The following DLC1 variants were observed in gnomAD, a reference collection of about 807,000 sequenced individuals.
DLC1 encodes DLC1 Rho GTPase activating protein.
In DLC1, 54 loss-of-function variants were observed where a neutral mutation model predicts 140.3. The ratio of observed to expected loss-of-function variants is 0.38; its 90% CI spans 0.31 to 0.48. The LOEUF is 0.48. Among genes scored for constraint, DLC1 ranks in the 20% least tolerant of loss-of-function variants. The pLI is 0.96. For synonymous variants in DLC1, 986 were observed against 728.1 expected (o/e 1.35, Z -5.70); for missense variants, 2,536 against 1,907.0 (o/e 1.33, Z -6.14).
intron 2 of DLC1, among the ~76,000 whole-genome samples, chr8:13,474,574 C>T (rs1332955998): frequency 6.6e-6 from 1 of 152,178 alleles, no homozygotes; most frequent in South Asian, 2.1e-4. Context: ...AAGCTGCACT[C>T]AACACCAGCC....
intron 5 of DLC1, among the ~76,000 whole-genome samples, chr8:13,272,705 C>CA (rs1318273451): frequency 3.1e-4 from 47 of 151,620 alleles, no homozygotes; most frequent in African/African-American, 1.1e-3. Context: ...ACTAAAAATA[C>CA]AAAAAATAGA....
chr8:13,361,183 A>C (rs1251069395), intron 4 of DLC1, among the ~76,000 whole-genome samples: 1 of 152,074 alleles, frequency 6.6e-6, no homozygotes, highest in Non-Finnish European at 1.5e-5. Context: ...AGTGAGCCTT[A>C]ATTATACCAC....
At position 13,390,686 on chromosome 8, in the gene DLC1, C is replaced by T. The variant is rs371559661; in HGVS notation, c.1314+2867G>A. Among the ~76,000 whole-genome samples the T allele has an allele frequency of 1.8e-4, 28 of 152,246 alleles. 1 individual carries two copies. Among genetic ancestry groups the T allele is most frequent in the African/African-American group, 6.7e-4 (28 of 41,550 alleles). On this transcript the variant is annotated intron_variant, in intron 4 of 17. Coordinates refer to ENST00000276297, the MANE Select transcript of DLC1 (RefSeq NM_182643.3). ...AACCTGCACGTTCTGCACATGTATC[C>T]TGGAACTTTAAGAAAAACAGGCCAG...
chr8:13,373,300 C>G (rs557565680), intron 4 of DLC1, among the ~76,000 whole-genome samples: 1 of 152,174 alleles, frequency 6.6e-6, no homozygotes, highest in Non-Finnish European at 1.5e-5. Context: ...GTGCTGTGGG[C>G]TTTTCCCTGA....
chr8:13,379,484 C>A (rs1005201759), intron 4 of DLC1, among the ~76,000 whole-genome samples: 16 of 152,314 alleles, frequency 1.1e-4, no homozygotes, highest in African/African-American at 3.8e-4. Context: ...AGAGATCTAA[C>A]ACAAAGCCTA....
At chr8:13,493,065 A>C (rs1392507224) in intron 2 of DLC1, among the ~76,000 whole-genome samples, 1 of 152,212 alleles carries the variant, frequency 6.6e-6, no homozygotes, top group Non-Finnish European at 1.5e-5. Context: ...ACACCAACTA[A>C]CCACTTGGAA....
chr8:13,595,217 A>C (rs1805645469), intron 1 of DLC1, among the ~76,000 whole-genome samples: 1 of 151,882 alleles, frequency 6.6e-6, no homozygotes, highest in African/African-American at 2.4e-5. Context: ...GGCACATTTA[A>C]TTTTTTTTCC....
intron 1 of DLC1, among the ~76,000 whole-genome samples, chr8:13,530,979 G>C (rs565734337): frequency 6.6e-6 from 1 of 152,148 alleles, no homozygotes; most frequent in Non-Finnish European, 1.5e-5. Context: ...ATGCATTTGG[G>C]AGACAATTAG....
At chr8:13,170,824 A>T (rs1416175917) in intron 5 of DLC1, among the ~76,000 whole-genome samples, 1 of 152,016 alleles carries the variant, frequency 6.6e-6, no homozygotes, top group African/African-American at 2.4e-5. Flanking sequence ...AGAAGAATAG[A>T]GTCACTTAGG....
chr8:13,544,666 T>C (rs965169748), intron 1 of DLC1, among the ~76,000 whole-genome samples: 6 of 152,124 alleles, frequency 3.9e-5, no homozygotes, highest in Admixed American at 3.3e-4. Flanking sequence ...GTGTTCGAGA[T>C]GAAGAAATGT....
intron 1 of DLC1, among the ~76,000 whole-genome samples, chr8:13,542,496 A>C (rs1378456542): frequency 1.3e-5 from 2 of 152,074 alleles, no homozygotes; most frequent in Non-Finnish European, 2.9e-5. Flanking sequence ...TGTTTTGGCT[A>C]ATCTAGGTCC....
At chr8:13,434,334 G>A (rs117155651) in intron 2 of DLC1, among the ~76,000 whole-genome samples, 2,435 of 152,296 alleles carry the variant, frequency 0.016, 32 homozygotes, top group Non-Finnish European at 0.026. Context: ...AACCCAAGAT[G>A]TCACTGCTCT....
At chr8:13,312,276 G>C (rs1488560021) in intron 4 of DLC1, among the ~76,000 whole-genome samples, 2 of 124,076 alleles carry the variant, frequency 1.6e-5, no homozygotes, top group Non-Finnish European at 1.7e-5. Context: ...CAGGAGAATG[G>C]CGTGAACCCG....
chr8:13,481,635 G>A (rs960392096), intron 2 of DLC1, among the ~76,000 whole-genome samples: 6 of 152,092 alleles, frequency 3.9e-5, no homozygotes, highest in African/African-American at 9.7e-5. Context: ...TTACAGCCCC[G>A]TTGTACTGTT....
intron 1 of DLC1, among the ~76,000 whole-genome samples, chr8:13,553,222 ATATATG>A (rs58750912): frequency 0.056 from 3,675 of 65,562 alleles, 295 homozygotes; most frequent in African/African-American, 0.098. Flanking sequence ...ATATATATAT[ATATATG>A]TATATATATA....
At position 13,274,840 on chromosome 8, in the gene DLC1, G is replaced by A. The variant is rs187997883; in HGVS notation, c.1348+30429C>T. 3.0e-3 allele frequency among the ~76,000 whole-genome samples: 460 copies of A among 152,214 alleles called. 3 individuals carry two copies. The highest frequency in any genetic ancestry group is 0.014 in the Admixed American group (209 of 15,292). On this transcript the variant is annotated intron_variant, in intron 5 of 17. Coordinates refer to ENST00000276297, the MANE Select transcript of DLC1 (RefSeq NM_182643.3). ...ATAGAATCTTTTCATTTGCGGCATT[G>A]TTTATTAAACAAGACAAATATGAAG...
intron 5 of DLC1, among the ~76,000 whole-genome samples, chr8:13,141,721 A>C (rs1282966570): frequency 6.6e-6 from 1 of 152,218 alleles, no homozygotes; most frequent in Non-Finnish European, 1.5e-5. Flanking sequence ...GCTCCAGATC[A>C]TTAACTTACT....
intron 16 of DLC1, 36 bp from the exon 17 acceptor site, chr8:13,086,499 T>C (rs373050262): frequency 1.2e-4 from 198 of 1,601,868 alleles, no homozygotes; most frequent in Middle Eastern, 6.7e-4. Context: ...AATGATGGAA[T>C]TTCATAGAAG....
chr8:13,312,316 G>A (rs1272374778), intron 4 of DLC1, among the ~76,000 whole-genome samples: 1 of 95,246 alleles, frequency 1.0e-5, no homozygotes, highest in Non-Finnish European at 1.9e-5. Context: ...AGCCGAGATC[G>A]CGCCACTGCA....
Sources: allele counts gnomAD v4.1 joint callset (sites outside exome capture counted in the v4.1 genomes callset), GRCh38; gene constraint gnomAD v4.1.1; transcripts MANE v1.5; gene names NCBI Gene and HGNC (gene_info 2026-07-23, HGNC 2026-07-21).